GOLIM4: variants seen among roughly 807,000 people sequenced by gnomAD.
The protein encoded by GOLIM4 is golgi integral membrane protein 4.
A neutral mutation model predicts 107.4 loss-of-function variants in GOLIM4; 71 were observed. The observed-to-expected ratio is 0.66, with a 90% CI of 0.55 to 0.81. The LOEUF is 0.81. GOLIM4 is among the 30% of genes least tolerant of loss of function. The probability of loss-of-function intolerance (pLI) is 0.00; values close to 1 mark genes in which losing one functional copy is unlikely to be tolerated. For synonymous variants in GOLIM4, 327 were observed against 294.8 expected (o/e 1.11, Z -1.12); for missense variants, 830 against 826.1 (o/e 1.00, Z -0.06).
At position 168,012,139 on chromosome 3, in the gene GOLIM4, G is replaced by GAA. The variant is rs759942945; in HGVS notation, c.1861-1318_1861-1317dup. 9.7e-3 allele frequency among the ~76,000 whole-genome samples: 1,045 copies of GAA among 107,760 alleles called. 8 individuals carry two copies. The highest frequency in any genetic ancestry group is 0.045 in the African/African-American group (502 of 11,080). 70.7% of individuals were successfully genotyped at this position (107,760 alleles called of 152,430 possible). The stretch of plus-strand genomic sequence containing the variant: ...CAAAGGCAAAGAAGTTGAAAACTTT[G>GAA]AAAAAAATTTAGAAGAATGTATAAC... On this transcript the variant is annotated intron_variant, in intron 14 of 15. Transcript: ENST00000470487.
chr3:168,019,953 C>T (rs1198029432), intron 14 of GOLIM4, among the ~76,000 whole-genome samples: 1 of 150,076 alleles, frequency 6.7e-6, no homozygotes, highest in East Asian at 2.0e-4. Context: ...TTAGGGGTTA[C>T]AAAAAAAAAT....
At chr3:168,014,084 A>C (rs1170428634) in intron 14 of GOLIM4, among the ~76,000 whole-genome samples, 1 of 141,502 alleles carries the variant, frequency 7.1e-6, no homozygotes, top group Non-Finnish European at 1.5e-5. Flanking sequence ...CCCTTCAAAA[A>C]ATTAATGAAT....
chr3:168,083,286 A>C (rs1280150875), intron 1 of GOLIM4, among the ~76,000 whole-genome samples: 1 of 152,218 alleles, frequency 6.6e-6, no homozygotes, highest in Non-Finnish European at 1.5e-5. Flanking sequence ...AAGTATCAAA[A>C]AAATCTCCTA....
chr3:168,065,390 A>G (rs1522380), intron 1 of GOLIM4, among the ~76,000 whole-genome samples: 29,375 of 152,104 alleles, frequency 0.19, 2,998 homozygotes, highest in Middle Eastern at 0.24. Flanking sequence ...AAAGAAGACT[A>G]TTTTTTATCT....
chr3:168,049,459 A>AGAG (rs5854271), intron 1 of GOLIM4, among the ~76,000 whole-genome samples: 82,656 of 151,698 alleles, frequency 0.54, 23,642 homozygotes, highest in African/African-American at 0.65. Flanking sequence ...GCACCGAGGG[A>AGAG]GAGAACAGAG....
chr3:168,036,789 G>A, intron 8 of GOLIM4, 47 bp downstream of exon 8: 2 of 1,471,186 alleles, frequency 1.4e-6, no homozygotes. Flanking sequence ...TTGGCAACTT[G>A]ACAGAGAAAG....
intron 5 of GOLIM4, among the ~76,000 whole-genome samples, chr3:168,042,595 G>A (rs1489905239): frequency 2.0e-5 from 3 of 152,198 alleles, no homozygotes; most frequent in Non-Finnish European, 2.9e-5. Flanking sequence ...TGGGGAAGAC[G>A]TGTGTCTTGT....
At chr3:168,050,666 A>G (rs923224081) in intron 1 of GOLIM4, among the ~76,000 whole-genome samples, 6 of 152,100 alleles carry the variant, frequency 3.9e-5, no homozygotes, top group Admixed American at 3.9e-4. Flanking sequence ...TAAATATGCC[A>G]GTTAAAAGTG....
chr3:168,010,168 A>T lies in GOLIM4; in HGVS notation c.*101T>A. 9.3e-7 allele frequency: 1 copy of T among 1,069,658 alleles called. No homozygotes were observed. The highest frequency in any genetic ancestry group is 1.3e-6 in the Non-Finnish European group (1 of 752,950). 66.3% of individuals were successfully genotyped at this position (1,069,658 alleles called of 1,614,324 possible). A position where few individuals can be genotyped will look rare whatever the true frequency, so the allele number is the denominator to read the frequency against. ...AAGTTTTAAAAAAGTCTAAGTTCTT[A>T]ATTTTTGTAATTAAATATCCTAGAG... On this transcript the variant is annotated 3_prime_UTR_variant, in exon 16 of 16. Coordinates refer to ENST00000470487, the MANE Select transcript of GOLIM4 (RefSeq NM_014498.5).
intron 14 of GOLIM4, among the ~76,000 whole-genome samples, chr3:168,012,350 A>G (rs1450562778): frequency 1.4e-5 from 2 of 142,108 alleles, no homozygotes; most frequent in Admixed American, 1.4e-4. Context: ...AAAAGAATAA[A>G]AAGAAATGAG....
intron 1 of GOLIM4, among the ~76,000 whole-genome samples, chr3:168,058,348 A>G (rs541589190): frequency 1.3e-5 from 2 of 152,328 alleles, no homozygotes; most frequent in African/African-American, 4.8e-5. Flanking sequence ...GCTTTTTCAA[A>G]TAAGTATTAT....
At chr3:168,074,676 AAGC>A (rs1161113271) in intron 1 of GOLIM4, among the ~76,000 whole-genome samples, 3 of 152,330 alleles carry the variant, frequency 2.0e-5, no homozygotes, top group South Asian at 2.1e-4. Flanking sequence ...ATTGGGGTGA[AAGC>A]AGGAAAACCA....
intron 1 of GOLIM4, among the ~76,000 whole-genome samples, chr3:168,053,099 T>A (rs1005440873): frequency 6.6e-6 from 1 of 152,202 alleles, no homozygotes; most frequent in Non-Finnish European, 1.5e-5. Context: ...CCAAAAGCAC[T>A]CAGGAGTTTA....
At chr3:168,046,555 C>T (rs555523821) in intron 3 of GOLIM4, among the ~76,000 whole-genome samples, 1 of 152,182 alleles carries the variant, frequency 6.6e-6, no homozygotes, top group Non-Finnish European at 1.5e-5. Context: ...CAGTATCATT[C>T]ATCCCTTCAC....
Position 168,095,295 on chromosome 3 carries a change from T to C in GOLIM4, c.-10A>G, listed in dbSNP as rs1282029404. 6 of 1,610,184 alleles carry C rather than the reference T, an allele frequency of 3.7e-6. No individual in the cohort carries two copies. In the African/African-American group the frequency reaches 4.0e-5, roughly 11 times the overall value. ...ACATCCCGTTTCCCATAGTCCCGCC[T>C]GGACCCAAAGCCGCGGCCGCCCCCG... On this transcript the variant is annotated 5_prime_UTR_variant, in exon 1 of 16. Transcript: ENST00000470487.
At chr3:168,012,647 G>A (rs1176977133) in intron 14 of GOLIM4, among the ~76,000 whole-genome samples, 14 of 149,928 alleles carry the variant, frequency 9.3e-5, no homozygotes, top group South Asian at 6.3e-4. Flanking sequence ...GAGAAAGGTC[G>A]GGTTACCCTC....
At chr3:168,057,138 A>T (rs1336229930) in intron 1 of GOLIM4, among the ~76,000 whole-genome samples, 3 of 152,036 alleles carry the variant, frequency 2.0e-5, no homozygotes, top group South Asian at 2.1e-4. Context: ...TGATGGTTTT[A>T]AAAAAAGGAG....
chr3:168,013,788 T>A (rs7639500), intron 14 of GOLIM4, among the ~76,000 whole-genome samples: 39,001 of 147,382 alleles, frequency 0.26, 9,684 homozygotes, highest in African/African-American at 0.68. Flanking sequence ...CCTGAATGAC[T>A]ACTGGGTACA....
chr3:168,036,785 A>G (rs6786410), intron 8 of GOLIM4, 51 bp downstream of exon 8: 753,953 of 1,447,970 alleles, frequency 0.52, 205,564 homozygotes, highest in African/African-American at 0.76. Flanking sequence ...CCTCTTGGCA[A>G]CTTGACAGAG....
Sources: gnomAD v4.1 joint callset for allele counts (sites outside exome capture counted in the v4.1 genomes callset) on GRCh38, gnomAD v4.1.1 for gene constraint, MANE v1.5 for transcripts, NCBI Gene and HGNC (gene_info 2026-07-23, HGNC 2026-07-21) for gene names.